ZCCHC4: variants seen among roughly 807,000 people sequenced by gnomAD.
The protein encoded by ZCCHC4 is rRNA N(6)-adenosine-methyltransferase ZCCHC4.
Under a neutral mutation model 67.7 loss-of-function variants are expected in ZCCHC4, and 54 were observed. The ratio of observed to expected loss-of-function variants is 0.80; its 90% CI spans 0.64 to 1.00. ZCCHC4 has a LOEUF of 1.00. Among genes scored for constraint, ZCCHC4 ranks in the 50% least tolerant of loss-of-function variants. The pLI is 0.00. For synonymous variants in ZCCHC4, 198 were observed against 213.5 expected, an observed-to-expected ratio of 0.93 and a Z score of 0.63; for missense variants, 609 against 617.0, an observed-to-expected ratio of 0.99 and a Z score of 0.14.
intron 3 of ZCCHC4, among the ~76,000 whole-genome samples, chr4:25,325,488 T>A (rs1718834567): frequency 6.6e-6 from 1 of 151,978 alleles, no homozygotes; most frequent in Admixed American, 6.6e-5. Context: ...GATCTCGAAC[T>A]CCTGACTTCA....
intron 3 of ZCCHC4, among the ~76,000 whole-genome samples, chr4:25,318,722 T>A (rs1718414215): frequency 6.6e-6 from 1 of 152,226 alleles, no homozygotes; most frequent in African/African-American, 2.4e-5. Flanking sequence ...TTGAAATTCA[T>A]ATTTTATATT....
chr4:25,322,516 A>T (rs1440345503), intron 3 of ZCCHC4, among the ~76,000 whole-genome samples: 1 of 151,236 alleles, frequency 6.6e-6, no homozygotes, highest in Non-Finnish European at 1.5e-5. Flanking sequence ...TGTACACTTT[A>T]TTTTTTTTAT....
At chr4:25,328,999 C>T (rs1460351260) in intron 3 of ZCCHC4, among the ~76,000 whole-genome samples, 1 of 151,920 alleles carries the variant, frequency 6.6e-6, no homozygotes, top group African/African-American at 2.4e-5. Flanking sequence ...TCAGCCTGGA[C>T]AGCATGGCAA....
chr4:25,331,621 A>C (rs1191069624), intron 3 of ZCCHC4, among the ~76,000 whole-genome samples: 1 of 152,164 alleles, frequency 6.6e-6, no homozygotes. Flanking sequence ...CAACACTGTT[A>C]GTACTTAGTG....
chr4:25,364,453 G>A lies in ZCCHC4; in HGVS notation c.1210-1G>A. ...TTAAAAATTGTTTTTTTTTTTGGTA[G>A]GATGGCAGGAAATGGAACCATTGCT... On this transcript the variant is annotated splice_acceptor_variant, in intron 10 of 12. Transcript: ENST00000302874. LOFTEE classifies it high-confidence loss of function. 1.3e-6 allele frequency: 2 copies of A among 1,489,930 alleles called. No homozygotes were observed. The highest frequency in any genetic ancestry group is 2.5e-5 in the East Asian group (1 of 40,240). The allele number at this position is 1,489,930 out of a possible 1,614,324, so 92.3% of individuals were successfully genotyped here. A position where few individuals can be genotyped will look rare whatever the true frequency, so the allele number is the denominator to read the frequency against.
Position 25,365,104 on chromosome 4 carries a change from T to C in ZCCHC4, c.1344T>C (p.Cys448=), listed in dbSNP as rs1207279672. The change falls in exon 12 of 13, where the codon TGT becomes TGC. Residue 448 remains cysteine (C), a synonymous_variant. Coordinates refer to ENST00000302874, the MANE Select transcript of ZCCHC4 (RefSeq NM_024936.3). ...GCCCCAAACATGGCTGCTTTATTTGTGGTGAACTGGATCATAAACGCAGTA... is the reference window on the plus strand; with the variant it reads ...GCCCCAAACATGGCTGCTTTATTTGCGGTGAACTGGATCATAAACGCAGTA... ...CEGPKHGCFI[C]GELDHKRSTC... 3 of 1,614,230 alleles carry C rather than the reference T, an allele frequency of 1.9e-6. No individual in the cohort carries two copies.
At chr4:25,322,798 A>G (rs1398099101) in intron 3 of ZCCHC4, among the ~76,000 whole-genome samples, 1 of 152,216 alleles carries the variant, frequency 6.6e-6, no homozygotes, top group Non-Finnish European at 1.5e-5. Context: ...GATTACAGGC[A>G]TGAACCGCTG....
rs1304433038 is a variant in ZCCHC4, at chr4:25,349,659, T to C, written c.910+17T>C. Reference sequence around the variant, plus strand: ...AAAGCCAAGGTGTATAATTTATTACTGCAAAATAAATACATATCTATATAT... The same window carrying C: ...AAAGCCAAGGTGTATAATTTATTACCGCAAAATAAATACATATCTATATAT... On this transcript the variant is annotated intron_variant, in intron 7 of 12. Coordinates refer to ENST00000302874, the MANE Select transcript of ZCCHC4 (RefSeq NM_024936.3). 1.9e-6 allele frequency: 3 copies of C among 1,609,852 alleles called. No individual in the cohort carries two copies. In the African/African-American group the frequency reaches 4.0e-5, roughly 22 times the overall value.
intron 5 of ZCCHC4, 77 bp downstream of exon 5, chr4:25,334,065 T>C: frequency 2.1e-6 from 2 of 969,322 alleles, no homozygotes; most frequent in Admixed American, 3.1e-5. Flanking sequence ...TAATTGTTTA[T>C]ACTCTGTTAC....
chr4:25,312,902 G>GA lies in ZCCHC4; in HGVS notation c.93_94insA (p.Asp32ArgfsTer37), dbSNP rs767288491. ...CGGGAATGGAGGTGGTGCTTCCTTT[G>GA]GATCCTGCCGTCCCCGCCCCGCTGT... On this transcript the variant is annotated frameshift_variant, in exon 1 of 13. Coordinates refer to ENST00000302874, the MANE Select transcript of ZCCHC4 (RefSeq NM_024936.3). LOFTEE classifies it high-confidence loss of function. The GA allele has an allele frequency of 6.2e-7, 1 of 1,612,886 alleles. No homozygotes were observed. Among genetic ancestry groups the GA allele is most frequent in the Non-Finnish European group, 8.5e-7 (1 of 1,180,004 alleles).
intron 5 of ZCCHC4, among the ~76,000 whole-genome samples, chr4:25,335,166 G>T (rs777028733): frequency 4.6e-5 from 7 of 152,182 alleles, no homozygotes; most frequent in Non-Finnish European, 1.0e-4. Flanking sequence ...TGTAGTTTGG[G>T]TCAGGTGTGG....
intron 7 of ZCCHC4, among the ~76,000 whole-genome samples, chr4:25,350,072 C>G (rs1720216602): frequency 6.6e-6 from 1 of 152,030 alleles, no homozygotes; most frequent in Non-Finnish European, 1.5e-5. Flanking sequence ...TAAGAGGGCA[C>G]TCAACCTGAG....
At chr4:25,315,672 C>T (rs546204565) in intron 3 of ZCCHC4, among the ~76,000 whole-genome samples, 31 of 151,514 alleles carry the variant, frequency 2.0e-4, no homozygotes, top group Non-Finnish European at 3.2e-4. Flanking sequence ...CTCATTCTAC[C>T]TCCTCCCAAA....
chr4:25,323,948 A>G lies in ZCCHC4; in HGVS notation c.329+8548A>G, dbSNP rs1025672597. 1.6e-4 allele frequency among the ~76,000 whole-genome samples: 24 copies of G among 149,006 alleles called. 1 individual carries two copies. The highest frequency in any genetic ancestry group is 1.3e-4 in the Admixed American group (2 of 14,876). The stretch of plus-strand genomic sequence containing the variant: ...ATCCACTGATCTGCTTTCTGTCACT[A>G]TAGATTAGTCGGCATTTTCTAGAAG... On this transcript the variant is annotated intron_variant, in intron 3 of 12. Coordinates refer to ENST00000302874, the MANE Select transcript of ZCCHC4 (RefSeq NM_024936.3).
intron 8 of ZCCHC4, among the ~76,000 whole-genome samples, chr4:25,353,837 T>G (rs1420905871): frequency 1.3e-5 from 2 of 152,140 alleles, no homozygotes; most frequent in Non-Finnish European, 2.9e-5. Context: ...AGTATTAAGT[T>G]TAGGTTCTTG....
Position 25,351,516 on chromosome 4 carries a change from G to A in ZCCHC4, c.911-73G>A, listed in dbSNP as rs757284587. The A allele has an allele frequency of 7.7e-5, 73 of 943,038 alleles. 1 individual carries two copies. Among genetic ancestry groups the A allele is most frequent in the South Asian group, 5.7e-4 (36 of 62,810 alleles). The allele number at this position is 943,038 out of a possible 1,614,324, so 58.4% of individuals were successfully genotyped here. A position where few individuals can be genotyped will look rare whatever the true frequency, so the allele number is the denominator to read the frequency against. The stretch of plus-strand genomic sequence containing the variant: ...AATCATTGCAATTTCTTATGCTAGC[G>A]GAAGTTTTTCTACTGTAGCCTTCTA... On this transcript the variant is annotated intron_variant, in intron 7 of 12. Transcript: ENST00000302874.
intron 5 of ZCCHC4, among the ~76,000 whole-genome samples, chr4:25,344,460 T>G (rs1387048016): frequency 3.2e-5 from 3 of 93,490 alleles, no homozygotes; most frequent in African/African-American, 1.2e-4. Flanking sequence ...TGGGGACTGT[T>G]GTGGGGTGGG....
rs750594592 is a variant in ZCCHC4 at position 25,349,565 on chromosome 4, C to T, written c.833C>T (p.Pro278Leu). Residue 278 changes from proline (P) to leucine (L), a missense_variant, in exon 7 of 13, where the codon CCG becomes CTG. Physicochemically the swap from Pro to Leu is moderately conservative, Grantham distance 98 (BLOSUM62 -3). Coordinates refer to ENST00000302874, the MANE Select transcript of ZCCHC4 (RefSeq NM_024936.3). ...GGAATCATTATGGTGACGGATCCTCCGTTTGGTGGCTTGGTTGAACCTCTG... is the reference window on the plus strand; with the variant it reads ...GGAATCATTATGGTGACGGATCCTCTGTTTGGTGGCTTGGTTGAACCTCTG... ...GEGIIMVTDP[P>L]FGGLVEPLAI... 7 of 1,613,988 alleles carry T rather than the reference C, an allele frequency of 4.3e-6. No individual in the cohort carries two copies. The highest frequency in any genetic ancestry group is 3.3e-5 in the Admixed American group (2 of 59,998).
At chr4:25,346,245 A>G (rs1720013727) in intron 6 of ZCCHC4, among the ~76,000 whole-genome samples, 1 of 152,148 alleles carries the variant, frequency 6.6e-6, no homozygotes, top group Non-Finnish European at 1.5e-5. Flanking sequence ...TCTTTAAAAA[A>G]AAAAAGGACT....
Sources: allele counts gnomAD v4.1 joint callset (sites outside exome capture counted in the v4.1 genomes callset), GRCh38; gene constraint gnomAD v4.1.1; transcripts MANE v1.5; gene names NCBI Gene and HGNC (gene_info 2026-07-23, HGNC 2026-07-21).